Variants in WT1 observed in about 807,000 individuals in gnomAD.
The protein encoded by WT1 is WT1 transcription factor.
WT1 carries 8 observed loss-of-function variants against 60.8 expected under a neutral mutation model. The observed-to-expected ratio is 0.13, with a 90% CI of 0.08 to 0.24. The LOEUF is 0.24. Among genes scored for constraint, WT1 ranks in the 10% least tolerant of loss-of-function variants. The pLI is 1.00. For missense variants in WT1, 568 were observed against 711.8 expected (o/e 0.80, Z 2.30); for synonymous variants, 312 against 297.1 (o/e 1.05, Z -0.52).
At chr11:32,404,660 C>A (rs1001580920) in intron 5 of WT1, among the ~76,000 whole-genome samples, 2 of 152,172 alleles carry the variant, frequency 1.3e-5, no homozygotes, top group Non-Finnish European at 2.9e-5. Context: ...TCCATTTAAG[C>A]ATTTAGTCCA....
chr11:32,397,469 T>A (rs530608185), intron 6 of WT1, among the ~76,000 whole-genome samples: 1 of 149,214 alleles, frequency 6.7e-6, no homozygotes, highest in Admixed American at 6.7e-5. Context: ...GTGAGAGTCA[T>A]CATGCCCAGC....
chr11:32,430,872 T>C (rs941103443), intron 1 of WT1: 2 of 1,194,496 alleles, frequency 1.7e-6, no homozygotes, highest in Non-Finnish European at 2.1e-6. Flanking sequence ...CGGGTTTGAT[T>C]AGAGCGCGCT....
chr11:32,429,553 T>A (rs3858448), intron 1 of WT1, among the ~76,000 whole-genome samples: 78,104 of 150,720 alleles, frequency 0.52, 23,197 homozygotes, highest in African/African-American at 0.8. Context: ...TGCTTTAAAC[T>A]TATACCCCAC....
At chr11:32,428,179 C>G (rs1297276087) in intron 2 of WT1, 121 bp from the exon 3 acceptor site, 2 of 999,820 alleles carry the variant, frequency 2.0e-6, no homozygotes, top group African/African-American at 1.6e-5. Context: ...CCTGGATGAG[C>G]GGCGTGCAGA....
In WT1 at chr11:32,400,200, G is replaced by A. The variant is rs146114578; in HGVS notation, c.1017-156C>T. The A allele has an allele frequency of 1.0e-4, 89 of 863,544 alleles. 1 individual carries two copies. The Middle Eastern group carries it at 1.5e-3, about 15-fold the overall frequency. 53.5% of individuals were successfully genotyped at this position (863,544 alleles called of 1,614,324 possible). On this transcript the variant is annotated intron_variant, in intron 5 of 9. Transcript: ENST00000452863. ...TCCATGGGGCCACTTTAGATGCAGG[G>A]TTCTGCGGAGGGCGAGGCCCCTGGA...
intron 1 of WT1, chr11:32,430,957 G>T: frequency 1.4e-6 from 1 of 720,572 alleles, no homozygotes; most frequent in Non-Finnish European, 1.8e-6. Flanking sequence ...CTGCCGGCTG[G>T]AAGGAGCAGC....
intron 5 of WT1, among the ~76,000 whole-genome samples, chr11:32,404,009 C>G (rs897807170): frequency 5.9e-5 from 9 of 152,100 alleles, no homozygotes; most frequent in Non-Finnish European, 1.0e-4. Flanking sequence ...CATGGTGGCT[C>G]ACGCCTGTAA....
At chr11:32,431,695 G>C (rs558685837) in intron 1 of WT1, among the ~76,000 whole-genome samples, 17 of 151,714 alleles carry the variant, frequency 1.1e-4, no homozygotes, top group African/African-American at 4.1e-4. Context: ...CAACCGCCTC[G>C]AGCCACCGCG....
At chr11:32,430,447 A>AG in intron 1 of WT1, 2 of 1,121,462 alleles carry the variant, frequency 1.8e-6, no homozygotes, top group Non-Finnish European at 2.4e-6. Flanking sequence ...AGAGAGAGAG[A>AG]GAGGGAGGGA....
intron 3 of WT1, among the ~76,000 whole-genome samples, chr11:32,421,631 T>A (rs1852857424): frequency 6.6e-6 from 1 of 152,072 alleles, no homozygotes; most frequent in Admixed American, 6.6e-5. Flanking sequence ...AAGGGGGAGC[T>A]TAAAAGGAAA....
chr11:32,403,951 ACTCT>A (rs141472772), intron 5 of WT1, among the ~76,000 whole-genome samples: 1,685 of 151,680 alleles, frequency 0.011, 28 homozygotes, highest in African/African-American at 0.038. Flanking sequence ...GAATACAAAG[ACTCT>A]CTGCTCTTCT....
intron 5 of WT1, among the ~76,000 whole-genome samples, chr11:32,408,213 GAAA>G (rs528702262): frequency 9.3e-6 from 1 of 108,004 alleles, no homozygotes. Context: ...CTCCATCTCA[GAAA>G]AAAAAAAAAA....
intron 5 of WT1, among the ~76,000 whole-genome samples, chr11:32,413,395 T>A (rs1852563383): frequency 6.6e-6 from 1 of 152,210 alleles, no homozygotes; most frequent in South Asian, 2.1e-4. Flanking sequence ...ATTAATACTT[T>A]TCATACCATG....
At chr11:32,415,335 G>A (rs769753511) in intron 5 of WT1, among the ~76,000 whole-genome samples, 1 of 151,828 alleles carries the variant, frequency 6.6e-6, no homozygotes, top group Non-Finnish European at 1.5e-5. Flanking sequence ...AAGAAGCCAA[G>A]GAACTTAAGA....
rs199761365 is a variant in WT1 at position 32,394,791 on chromosome 11, G to A, written c.1264+1466C>T. On this transcript the variant is annotated intron_variant, in intron 7 of 9. Transcript: ENST00000452863. ...AAGAGTTTCTTAAAGGCTCCAGTGG[G>A]TCTGGGGTTTTGGCTGTCTTGTTCA... 5.9e-5 allele frequency among the ~76,000 whole-genome samples: 9 copies of A among 152,304 alleles called. No homozygotes were observed. In the East Asian group the frequency reaches 1.7e-3, roughly 29 times the overall value.
At chr11:32,422,425 C>A (rs1852884675) in intron 3 of WT1, among the ~76,000 whole-genome samples, 1 of 152,218 alleles carries the variant, frequency 6.6e-6, no homozygotes, top group Non-Finnish European at 1.5e-5. Flanking sequence ...GACCTTCCAC[C>A]TTCTGCCTAT....
At chr11:32,391,836 G>T in intron 9 of WT1, 136 bp downstream of exon 9, 1 of 820,954 alleles carries the variant, frequency 1.2e-6, no homozygotes, top group Non-Finnish European at 2.1e-6. Context: ...AGATAGCCAC[G>T]CACTATTCCT....
At chr11:32,404,717 T>G (rs1287758985) in intron 5 of WT1, among the ~76,000 whole-genome samples, 1 of 152,174 alleles carries the variant, frequency 6.6e-6, no homozygotes, top group African/African-American at 2.4e-5. Context: ...TCAAATATCT[T>G]TTGCAATGAA....
chr11:32,429,987 A>AAAG (rs1853219938), intron 1 of WT1, among the ~76,000 whole-genome samples: 1 of 77,298 alleles, frequency 1.3e-5, no homozygotes, highest in South Asian at 4.2e-4. Context: ...AGAAAAAAAA[A>AAAG]AAAAGAAAAA....
Sources: gnomAD v4.1 joint callset for allele counts (sites outside exome capture counted in the v4.1 genomes callset) on GRCh38, gnomAD v4.1.1 for gene constraint, MANE v1.5 for transcripts, NCBI Gene and HGNC (gene_info 2026-07-23, HGNC 2026-07-21) for gene names.